The following SLC14A2 variants were observed in gnomAD, a reference collection of about 807,000 sequenced individuals.
SLC14A2 encodes urea transporter 2.
SLC14A2 carries 91 observed loss-of-function variants against 104.6 expected under a neutral mutation model. The ratio of observed to expected loss-of-function variants is 0.87; its 90% CI spans 0.73 to 1.04. The LOEUF is 1.04. Among genes scored for constraint, SLC14A2 ranks in the 50% least tolerant of loss-of-function variants. SLC14A2 has a pLI of 0.00. For synonymous variants in SLC14A2, 476 were observed against 466.4 expected (o/e 1.02, Z -0.27); for missense variants, 1,189 against 1,156.0 (o/e 1.03, Z -0.41).
intron 2 of SLC14A2, among the ~76,000 whole-genome samples, chr18:45,527,657 T>A (rs570481492): frequency 2.0e-5 from 3 of 152,342 alleles, no homozygotes; most frequent in African/African-American, 2.4e-5. Context: ...TGGATACTTA[T>A]AGCAGCCATG....
intron 2 of SLC14A2, among the ~76,000 whole-genome samples, chr18:45,555,208 C>A (rs1045465502): frequency 7.9e-5 from 12 of 152,170 alleles, no homozygotes; most frequent in African/African-American, 2.7e-4. Context: ...AGGTAGCATA[C>A]CCTCATAAGG....
chr18:45,227,089 A>G (rs2084126532), intron 1 of SLC14A2, among the ~76,000 whole-genome samples: 1 of 152,176 alleles, frequency 6.6e-6, no homozygotes, highest in South Asian at 2.1e-4. Flanking sequence ...ATTCATCATC[A>G]TTTAGCAGGA....
At chr18:45,329,272 A>T (rs940035338) in intron 1 of SLC14A2, among the ~76,000 whole-genome samples, 8 of 152,214 alleles carry the variant, frequency 5.3e-5, no homozygotes, top group Non-Finnish European at 1.0e-4. Flanking sequence ...ATACAATTAT[A>T]TATTTCTTGC....
the SLC14A2 span, among the ~76,000 whole-genome samples, chr18:45,196,004 C>A: frequency 6.6e-6 from 1 of 152,060 alleles, no homozygotes; most frequent in Non-Finnish European, 1.5e-5. Flanking sequence ...GATTTATGGA[C>A]AGAAAAAGGA....
chr18:45,255,435 A>T (rs2084466930), intron 1 of SLC14A2, among the ~76,000 whole-genome samples: 1 of 152,216 alleles, frequency 6.6e-6, no homozygotes, highest in African/African-American at 2.4e-5. Flanking sequence ...TGTGTTTAGC[A>T]GCTTTGTCCG....
At chr18:45,420,314 G>T (rs1418691884) in intron 1 of SLC14A2, among the ~76,000 whole-genome samples, 1 of 145,538 alleles carries the variant, frequency 6.9e-6, no homozygotes, top group East Asian at 2.0e-4. Flanking sequence ...AACCAGCCTT[G>T]GAAGTCATAT....
intron 1 of SLC14A2, among the ~76,000 whole-genome samples, chr18:45,217,501 AAAAG>A (rs1291302683): frequency 6.6e-6 from 1 of 152,094 alleles, no homozygotes; most frequent in Non-Finnish European, 1.5e-5. Flanking sequence ...ATCTGGGCCT[AAAAG>A]AAGGAAGAAA....
rs147318297 is a variant in SLC14A2, at chr18:45,516,168, G to A, written c.-35+32846G>A. Among the ~76,000 whole-genome samples the A allele has an allele frequency of 2.1e-3, 322 of 152,278 alleles. 1 individual carries two copies. The highest frequency in any genetic ancestry group is 0.014 in the Middle Eastern group (4 of 294). On this transcript the variant is annotated intron_variant, in intron 2 of 20. Coordinates refer to the SLC14A2 transcript ENST00000586448. The stretch of plus-strand genomic sequence containing the variant: ...GAAGAAAATATAAACTCTCCATGAT[G>A]TATTGAATATATAGTTTTTCCTTTA...
chr18:45,248,293 C>T (rs2084387132), intron 1 of SLC14A2, among the ~76,000 whole-genome samples: 2 of 152,088 alleles, frequency 1.3e-5, no homozygotes, highest in African/African-American at 4.8e-5. Context: ...TTTATCGTCC[C>T]ATAGCAAATA....
At chr18:45,667,344 T>C (rs1161871130) in intron 13 of SLC14A2, among the ~76,000 whole-genome samples, 3 of 152,216 alleles carry the variant, frequency 2.0e-5, no homozygotes, top group Non-Finnish European at 2.9e-5. Context: ...ACACTTCTGC[T>C]ATCTCAAATA....
At chr18:45,193,526 G>T in the SLC14A2 span, among the ~76,000 whole-genome samples, 1 of 152,112 alleles carries the variant, frequency 6.6e-6, no homozygotes, top group Non-Finnish European at 1.5e-5. Context: ...TTGGTCATAT[G>T]TGTAGCAATC....
chr18:45,450,246 T>G (rs188245979), intron 1 of SLC14A2, among the ~76,000 whole-genome samples: 3 of 152,232 alleles, frequency 2.0e-5, no homozygotes, highest in African/African-American at 7.2e-5. Context: ...TCATTTGATC[T>G]TTGATATTTT....
chr18:45,330,836 G>A (rs192968912), intron 1 of SLC14A2, among the ~76,000 whole-genome samples: 87 of 152,314 alleles, frequency 5.7e-4, no homozygotes, highest in South Asian at 3.1e-3. Context: ...TAGAGAAGCC[G>A]TTGCACTGAG....
Position 45,624,718 on chromosome 18 carries a change from C to G in SLC14A2, c.54C>G (p.Tyr18Ter), listed in dbSNP as rs147910992. 8.1e-5 allele frequency: 131 copies of G among 1,613,554 alleles called. No individual in the cohort carries two copies. The African/African-American group carries it at 1.4e-3, about 17-fold the overall frequency. The change falls in exon 2 of 20, where the codon TAC (tyrosine) becomes TAG (stop). Residue 18 changes from tyrosine (Y) to a stop codon, truncating the protein, a stop_gained. Transcript: ENST00000255226. LOFTEE classifies it high-confidence loss of function. ...TGCCAGAGCCACTTTCCAGCAGATA[C>G]AAACTCTACGAGGCAGAGTTTACCA... ...PLLPEPLSSR[Y>*]KLYEAEFTSP...
At chr18:45,169,625 T>C in the SLC14A2 span, among the ~76,000 whole-genome samples, 2 of 152,212 alleles carry the variant, frequency 1.3e-5, no homozygotes, top group Admixed American at 6.5e-5. Context: ...GATATGATGA[T>C]ATTCTGCCAA....
the SLC14A2 span, among the ~76,000 whole-genome samples, chr18:45,191,226 C>T: frequency 6.6e-6 from 1 of 152,182 alleles, no homozygotes; most frequent in Non-Finnish European, 1.5e-5. Flanking sequence ...AGGTCATGTT[C>T]ATCCCAATTC....
At chr18:45,505,792 C>A (rs189431597) in intron 2 of SLC14A2, among the ~76,000 whole-genome samples, 1 of 152,210 alleles carries the variant, frequency 6.6e-6, no homozygotes, top group African/African-American at 2.4e-5. Context: ...TTTGTATGAG[C>A]CGATGTTTGT....
intron 1 of SLC14A2, among the ~76,000 whole-genome samples, chr18:45,331,959 G>A (rs1181026247): frequency 6.6e-6 from 1 of 152,140 alleles, no homozygotes; most frequent in African/African-American, 2.4e-5. Flanking sequence ...ACAGCAGGTG[G>A]GGTTAACAAT....
At chr18:45,382,309 A>ATT (rs59973802) in intron 1 of SLC14A2, among the ~76,000 whole-genome samples, 87,027 of 151,616 alleles carry the variant, frequency 0.57, 28,510 homozygotes, top group East Asian at 0.86. Context: ...AACTTAATAT[A>ATT]AGCTCTAGTT....
Sources: gnomAD v4.1 joint callset for allele counts (sites outside exome capture counted in the v4.1 genomes callset) on GRCh38, gnomAD v4.1.1 for gene constraint, MANE v1.5 for transcripts, NCBI Gene and HGNC (gene_info 2026-07-23, HGNC 2026-07-21) for gene names.